The following PLXNC1 variants were observed in gnomAD, a reference collection of about 807,000 sequenced individuals.
PLXNC1 encodes the protein plexin-C1.
In PLXNC1, 75 loss-of-function variants were observed where a neutral mutation model predicts 178.2. The ratio of observed to expected loss-of-function variants is 0.42; its 90% CI spans 0.35 to 0.51. PLXNC1 has a LOEUF of 0.51. PLXNC1 is among the 20% of genes least tolerant of loss of function. The probability of loss-of-function intolerance (pLI) is 0.02; values close to 1 mark genes in which losing one functional copy is unlikely to be tolerated. For missense variants in PLXNC1, 1,503 were observed against 1,984.4 expected (o/e 0.76, Z 4.61); for synonymous variants, 790 against 779.9 (o/e 1.01, Z -0.22).
chr12:94,282,277 G>A (rs1966495866), intron 22 of PLXNC1, 21 bp from the exon 23 acceptor site: 1 of 1,559,362 alleles, frequency 6.4e-7, no homozygotes. Flanking sequence ...CTCTAAAAAG[G>A]AACAAAATGC....
intron 13 of PLXNC1, 38 bp from the exon 14 acceptor site, chr12:94,248,189 G>A (rs1340104704): frequency 1.3e-6 from 2 of 1,597,106 alleles, no homozygotes; most frequent in Non-Finnish European, 1.7e-6. Flanking sequence ...GTTTCTACAT[G>A]TGCTCTGATT....
At chr12:94,280,156 T>C (rs1017464798) in intron 22 of PLXNC1, 1 of 239,282 alleles carries the variant, frequency 4.2e-6, no homozygotes, top group African/African-American at 2.3e-5. Context: ...CCTCCCTCAG[T>C]GTGCAGCAGC....
intron 11 of PLXNC1, among the ~76,000 whole-genome samples, chr12:94,242,855 G>C (rs111995263): frequency 0.034 from 5,191 of 152,244 alleles, 133 homozygotes; most frequent in African/African-American, 0.047. Flanking sequence ...GGAGGAAAAG[G>C]GTTCAAACAA....
intron 12 of PLXNC1, among the ~76,000 whole-genome samples, chr12:94,244,975 T>C (rs1964487620): frequency 6.6e-6 from 1 of 152,190 alleles, no homozygotes; most frequent in Admixed American, 6.5e-5. Flanking sequence ...TCTGGGGCCC[T>C]GCCTGACCAC....
intron 23 of PLXNC1, among the ~76,000 whole-genome samples, chr12:94,285,691 G>A (rs577119847): frequency 3.3e-5 from 5 of 152,276 alleles, no homozygotes; most frequent in African/African-American, 4.8e-5. Context: ...GGAGGAGATC[G>A]GAGTCAGAGA....
At chr12:94,214,659 T>G (rs1455064506) in intron 5 of PLXNC1, among the ~76,000 whole-genome samples, 2 of 152,188 alleles carry the variant, frequency 1.3e-5, no homozygotes, top group Non-Finnish European at 2.9e-5. Context: ...TCAATAACCT[T>G]ACTACATGTT....
chr12:94,298,683 C>T lies in PLXNC1; in HGVS notation c.4126C>T (p.Pro1376Ser), dbSNP rs1968170631. 1 of 1,610,872 alleles carries T rather than the reference C, an allele frequency of 6.2e-7. No individual in the cohort carries two copies. The highest frequency in any genetic ancestry group is 8.5e-7 in the Non-Finnish European group (1 of 1,179,244). ...EKLFRSIWSLPNSRAPFAIKY... is the reference protein window; with the variant it reads ...EKLFRSIWSLSNSRAPFAIKY... ...ACTTTTTAGAAGCATTTGGAGTTTA[C>T]CCAACAGCAGAGCTCCATTTGCTAT... The change falls in exon 27 of 31, where the codon CCC becomes TCC. Residue 1376 changes from proline to serine, a missense_variant. Pro to Ser is a moderately conservative substitution (Grantham distance 74). Around this residue, in one of 4 missense-constraint regions of PLXNC1, gnomAD observed 639 missense variants for 979.7 expected, o/e 0.65. Coordinates refer to ENST00000258526, the MANE Select transcript of PLXNC1 (RefSeq NM_005761.3).
chr12:94,289,440 C>T (rs1440024499), intron 23 of PLXNC1, among the ~76,000 whole-genome samples: 1 of 152,194 alleles, frequency 6.6e-6, no homozygotes, highest in African/African-American at 2.4e-5. Flanking sequence ...ACCAGTTCTG[C>T]TCTGGGCTGG....
chr12:94,301,068 G>A lies in PLXNC1; in HGVS notation c.4386+11G>A, dbSNP rs149525262. On this transcript the variant is annotated intron_variant, in intron 28 of 30. Transcript: ENST00000258526. ...CAGCAACTAGGGAAGGTAAGGCCCA[G>A]CTTGAGTATTTCTTGTATGCAGTCT... The A allele has an allele frequency of 6.2e-4, 1,003 of 1,612,820 alleles. 15 individuals are homozygous for A. In the East Asian group the frequency reaches 0.02, roughly 33 times the overall value.
chr12:94,220,315 C>G, intron 6 of PLXNC1, 152 bp downstream of exon 6: 1 of 682,466 alleles, frequency 1.5e-6, no homozygotes, highest in Non-Finnish European at 2.5e-6. Context: ...CTGGGTCCTC[C>G]TCACCTCTGG....
rs1479601466 is a variant in PLXNC1 at position 94,149,038 on chromosome 12, G to T, written c.67G>T (p.Ala23Ser). The change falls in exon 1 of 31, where the codon GCC becomes TCC. Residue 23 changes from alanine to serine, a missense_variant. Transcript: ENST00000258526. Reference protein sequence around the residue: ...PRPAAPLPLLAYLLALAAPGR... With the variant: ...PRPAAPLPLLSYLLALAAPGR... ...CCCCGCAGCGCCACTGCCCCTGCTCGCCTATCTGCTGGCACTGGCGGCTCC... is the reference window on the plus strand; with the variant it reads ...CCCCGCAGCGCCACTGCCCCTGCTCTCCTATCTGCTGGCACTGGCGGCTCC... 5 of 1,511,906 alleles carry T rather than the reference G, an allele frequency of 3.3e-6. No individual in the cohort carries two copies. Among genetic ancestry groups the T allele is most frequent in the Non-Finnish European group, 4.4e-6 (5 of 1,137,326 alleles). 93.7% of individuals were successfully genotyped at this position (1,511,906 alleles called of 1,614,324 possible).
At chr12:94,219,803 T>TTTTACTTA (rs1963739787) in intron 5 of PLXNC1, among the ~76,000 whole-genome samples, 1 of 116,396 alleles carries the variant, frequency 8.6e-6, no homozygotes, top group Non-Finnish European at 2.0e-5. Context: ...TCTTTTATAT[T>TTTTACTTA]TTTATTTATT....
At chr12:94,166,269 C>G (rs994926524) in intron 1 of PLXNC1, among the ~76,000 whole-genome samples, 7 of 149,236 alleles carry the variant, frequency 4.7e-5, no homozygotes, top group African/African-American at 1.7e-4. Flanking sequence ...GGCTTACGCA[C>G]AAACTCACCC....
intron 7 of PLXNC1, 50 bp downstream of exon 7, chr12:94,224,365 T>C: frequency 9.5e-7 from 1 of 1,050,734 alleles, no homozygotes; most frequent in Non-Finnish European, 1.5e-6. Flanking sequence ...CTTAATTTAC[T>C]TATTTGTTTG....
At chr12:94,298,880 G>T (rs1369331880) in intron 27 of PLXNC1, 85 bp downstream of exon 27, 3 of 1,289,420 alleles carry the variant, frequency 2.3e-6, no homozygotes, top group Middle Eastern at 1.9e-4. Flanking sequence ...GTTATAGAAG[G>T]ATTCATTTAT....
In PLXNC1 at chr12:94,235,391, A is replaced by C. The variant is rs537644407; in HGVS notation, c.1981-2273A>C. On this transcript the variant is annotated intron_variant, in intron 9 of 30. Transcript: ENST00000258526. Reference sequence around the variant, plus strand: ...TTATCCTCTGCAGAGAATGGAGAAGAAGCATTTACTTGGCATGTTTGAAAA... The same window carrying C: ...TTATCCTCTGCAGAGAATGGAGAAGCAGCATTTACTTGGCATGTTTGAAAA... Among the ~76,000 whole-genome samples, 65 of 152,328 alleles carry C rather than the reference A, an allele frequency of 4.3e-4. 1 individual carries two copies. Among genetic ancestry groups the C allele is most frequent in the African/African-American group, 1.5e-3 (63 of 41,576 alleles).
At chr12:94,208,146 C>T (rs901958955) in intron 4 of PLXNC1, among the ~76,000 whole-genome samples, 1 of 152,172 alleles carries the variant, frequency 6.6e-6, no homozygotes, top group African/African-American at 2.4e-5. Context: ...GATGAGCTAG[C>T]CATCAAGGGT....
rs186118252 is a variant in PLXNC1 at position 94,299,048 on chromosome 12, G to A, written c.4238+253G>A. Among the ~76,000 whole-genome samples, 712 of 152,290 alleles carry A rather than the reference G, an allele frequency of 4.7e-3. 2 individuals carry two copies. Among genetic ancestry groups the A allele is most frequent in the Non-Finnish European group, 8.0e-3 (541 of 68,014 alleles). On this transcript the variant is annotated intron_variant, in intron 27 of 30. Transcript: ENST00000258526. ...TGGTGCATGATACTTTGTCTAGAAT[G>A]TTAAAAGAAATTTAAGTTGACCAGT...
At chr12:94,217,620 C>A (rs1963682258) in intron 5 of PLXNC1, among the ~76,000 whole-genome samples, 1 of 152,204 alleles carries the variant, frequency 6.6e-6, no homozygotes, top group South Asian at 2.1e-4. Context: ...CTCCATCCAT[C>A]CCATTTGCTC....
Sources: allele counts gnomAD v4.1 joint callset (sites outside exome capture counted in the v4.1 genomes callset), GRCh38; gene constraint gnomAD v4.1.1; regional missense constraint gnomAD v4.1.1; transcripts MANE v1.5; gene names NCBI Gene and HGNC (gene_info 2026-07-23, HGNC 2026-07-21).